Variants in CPS1 observed in about 807,000 individuals in gnomAD.
The protein encoded by CPS1 is carbamoyl-phosphate synthase 1.
Under a neutral mutation model 174.6 loss-of-function variants are expected in CPS1, and 109 were observed. The observed-to-expected ratio is 0.62, with a 90% CI of 0.53 to 0.73. CPS1 has a LOEUF of 0.73. CPS1 is among the 30% of genes least tolerant of loss of function. CPS1 has a pLI of 0.00. For synonymous variants in CPS1, 637 were observed against 632.0 expected, an observed-to-expected ratio of 1.01 and a Z score of -0.12; for missense variants, 1,689 against 1,821.9, an observed-to-expected ratio of 0.93 and a Z score of 1.33.
intron 5 of CPS1, among the ~76,000 whole-genome samples, chr2:210,580,447 A>G (rs777741457): frequency 8.5e-5 from 13 of 152,074 alleles, no homozygotes; most frequent in South Asian, 2.1e-4. Flanking sequence ...TGAAATTTCC[A>G]TATTCCAAAT....
chr2:210,632,567 G>C (rs1699901492), intron 21 of CPS1, among the ~76,000 whole-genome samples: 1 of 152,206 alleles, frequency 6.6e-6, no homozygotes, highest in South Asian at 2.1e-4. Context: ...GAAAGGTGAG[G>C]ACAATACAGA....
chr2:210,634,696 T>C (rs1401223046), intron 21 of CPS1, among the ~76,000 whole-genome samples: 1 of 152,192 alleles, frequency 6.6e-6, no homozygotes, highest in East Asian at 1.9e-4. Flanking sequence ...CCTAACATAC[T>C]CTGACCTCCT....
At chr2:210,494,375 A>G (rs761811149) in intron 1 of CPS1, among the ~76,000 whole-genome samples, 6 of 152,212 alleles carry the variant, frequency 3.9e-5, no homozygotes, top group Non-Finnish European at 7.3e-5. Context: ...GAGGGTGCTT[A>G]TGTGTGGTGT....
intron 11 of CPS1, chr2:210,593,351 G>A (rs1028836845): frequency 8.1e-5 from 92 of 1,129,976 alleles, no homozygotes; most frequent in Non-Finnish European, 9.8e-5. Flanking sequence ...GCAACTGGTT[G>A]TGTAGCCACT....
At chr2:210,552,742 G>T (rs189210820), upstream of CPS1, among the ~76,000 whole-genome samples, 1 of 151,820 alleles carries the variant, frequency 6.6e-6, no homozygotes, top group Non-Finnish European at 1.5e-5. Flanking sequence ...GACACAGGCT[G>T]TCAGTGTTTC....
chr2:210,612,328 G>T (rs770236393), intron 20 of CPS1, 35 bp downstream of exon 20: 46 of 1,608,148 alleles, frequency 2.9e-5, no homozygotes, highest in Admixed American at 5.0e-5. Context: ...GCTACTAGTT[G>T]CTTTTCCAGA....
At chr2:210,540,817 T>A (rs1175978880) in intron 1 of CPS1, among the ~76,000 whole-genome samples, 1 of 152,206 alleles carries the variant, frequency 6.6e-6, no homozygotes, top group East Asian at 1.9e-4. Context: ...ATCGACTACT[T>A]TGTATTATTT....
chr2:210,649,091 C>T (rs994568113), intron 27 of CPS1, among the ~76,000 whole-genome samples: 3 of 152,086 alleles, frequency 2.0e-5, no homozygotes, highest in African/African-American at 4.8e-5. Flanking sequence ...TCAGATGTTA[C>T]CACATGTAAG....
chr2:210,540,196 A>G (rs1468261761), intron 1 of CPS1, among the ~76,000 whole-genome samples: 2 of 152,162 alleles, frequency 1.3e-5, no homozygotes, highest in Non-Finnish European at 2.9e-5. Context: ...CTGTGTTCTT[A>G]CTGCAAATCC....
At chr2:210,546,572 A>C (rs1294741703) in intron 1 of CPS1, among the ~76,000 whole-genome samples, 3 of 152,130 alleles carry the variant, frequency 2.0e-5, no homozygotes, top group Non-Finnish European at 4.4e-5. Flanking sequence ...GGATATAGAC[A>C]AATTGATAAA....
chr2:210,571,381 C>T (rs1697477239), intron 1 of CPS1, among the ~76,000 whole-genome samples: 1 of 151,888 alleles, frequency 6.6e-6, no homozygotes, highest in Non-Finnish European at 1.5e-5. Flanking sequence ...CACATACAAA[C>T]ACACATAAAA....
chr2:210,643,765 G>C (rs1700295355), intron 25 of CPS1, among the ~76,000 whole-genome samples: 1 of 152,042 alleles, frequency 6.6e-6, no homozygotes, highest in Non-Finnish European at 1.5e-5. Flanking sequence ...TAATAAAATT[G>C]ATCCATTAAA....
upstream of CPS1, chr2:210,556,322 G>A: frequency 2.2e-6 from 1 of 458,546 alleles, no homozygotes; most frequent in Non-Finnish European, 4.4e-6. Flanking sequence ...ATAAGCAAAA[G>A]CCTGTGATCC....
At chr2:210,530,997 A>G (rs1009375623) in intron 1 of CPS1, among the ~76,000 whole-genome samples, 1 of 152,078 alleles carries the variant, frequency 6.6e-6, no homozygotes, top group East Asian at 1.9e-4. Flanking sequence ...AAAAATCTTT[A>G]TTCTTAAGTA....
intron 13 of CPS1, among the ~76,000 whole-genome samples, chr2:210,598,540 GA>G (rs35523666): frequency 0.48 from 72,013 of 149,528 alleles, 17,369 homozygotes; most frequent in Middle Eastern, 0.6. Flanking sequence ...ATGGAAAACA[GA>G]AAAAAAAAGG....
At chr2:210,527,708 G>A (rs1040828910) in intron 1 of CPS1, among the ~76,000 whole-genome samples, 6 of 151,756 alleles carry the variant, frequency 4.0e-5, no homozygotes, top group African/African-American at 9.7e-5. Context: ...TTATGGACAC[G>A]TTCAATGTCC....
At chr2:210,494,478 G>A (rs1398380228) in intron 1 of CPS1, among the ~76,000 whole-genome samples, 3 of 152,148 alleles carry the variant, frequency 2.0e-5, no homozygotes, top group African/African-American at 7.2e-5. Flanking sequence ...AGCAATCAAA[G>A]TTGTAAATAA....
intron 6 of CPS1, 152 bp from the exon 7 acceptor site, chr2:210,587,906 C>A (rs1299570982): frequency 1.3e-6 from 1 of 778,138 alleles, no homozygotes; most frequent in African/African-American, 1.7e-5. Context: ...GCCTTTCTTA[C>A]AAACTGTTTG....
At chr2:210,497,500 A>G (rs1695019741) in intron 1 of CPS1, among the ~76,000 whole-genome samples, 1 of 152,088 alleles carries the variant, frequency 6.6e-6, no homozygotes, top group African/African-American at 2.4e-5. Flanking sequence ...TCTCCCAGAT[A>G]CTAAGCATAG....
Sources: allele counts gnomAD v4.1 joint callset (sites outside exome capture counted in the v4.1 genomes callset), GRCh38; gene constraint gnomAD v4.1.1; transcripts MANE v1.5; gene names NCBI Gene and HGNC (gene_info 2026-07-23, HGNC 2026-07-21).